The following SPAG16 variants were observed in gnomAD, a reference collection of about 807,000 sequenced individuals.
SPAG16 encodes sperm associated antigen 16.
SPAG16 carries 86 observed loss-of-function variants against 80.4 expected under a neutral mutation model. That is an observed-to-expected ratio of 1.07 (90% CI 0.90 to 1.28). The LOEUF is 1.28. Among genes scored for constraint, SPAG16 ranks in the 50% most tolerant of loss-of-function variants. The pLI, the probability that SPAG16 is intolerant of heterozygous loss-of-function variation, is 0.00. For missense variants in SPAG16, 870 were observed against 765.3 expected (o/e 1.14, Z -1.61); for synonymous variants, 294 against 265.9 (o/e 1.11, Z -1.03).
intron 15 of SPAG16, among the ~76,000 whole-genome samples, chr2:214,386,386 C>A (rs1700752986): frequency 6.6e-6 from 1 of 151,752 alleles, no homozygotes. Context: ...GCAAAAGAGC[C>A]AGATCCTGTC....
Position 214,167,094 on chromosome 2 carries a change from A to G in SPAG16, c.1720+17828A>G, listed in dbSNP as rs532109839. 2.6e-5 allele frequency among the ~76,000 whole-genome samples: 4 copies of G among 152,278 alleles called. No individual in the cohort carries two copies. In the South Asian group the frequency reaches 8.3e-4, roughly 32 times the overall value. On this transcript the variant is annotated intron_variant, in intron 15 of 15. Transcript: ENST00000331683. ...TACCTAATGGAAGTTAATAAAGCTT[A>G]ACTCCTTGGACTTCACATATGTCTG...
At chr2:213,936,515 C>G (rs2078994960) in intron 12 of SPAG16, among the ~76,000 whole-genome samples, 2 of 152,058 alleles carry the variant, frequency 1.3e-5, no homozygotes, top group Non-Finnish European at 2.9e-5. Flanking sequence ...TTGTAGCAAT[C>G]CAGGCCAAAG....
At chr2:214,171,771 T>C (rs1405276088) in intron 15 of SPAG16, among the ~76,000 whole-genome samples, 5 of 151,988 alleles carry the variant, frequency 3.3e-5, no homozygotes, top group Admixed American at 3.3e-4. Context: ...TTGCAACTGA[T>C]ACTGGTGCAT....
intron 9 of SPAG16, among the ~76,000 whole-genome samples, chr2:213,394,128 TG>T (rs2067914317): frequency 6.6e-6 from 1 of 152,100 alleles, no homozygotes; most frequent in South Asian, 2.1e-4. Context: ...TACTGTCATT[TG>T]ATTAAGAAAC....
intron 10 of SPAG16, among the ~76,000 whole-genome samples, chr2:213,827,012 A>C (rs943614598): frequency 3.3e-5 from 5 of 151,596 alleles, no homozygotes; most frequent in African/African-American, 1.2e-4. Flanking sequence ...TATGAAATCT[A>C]TTAGTCTGGT....
rs112466913 is a variant in SPAG16 at position 214,185,951 on chromosome 2, C to T, written c.1720+36685C>T. ...CTTTAACTGTTAGCAACCTATCTCC[C>T]CCACTATAATGTAAGTTCTGTTAGG... On this transcript the variant is annotated intron_variant, in intron 15 of 15. Transcript: ENST00000331683. Among the ~76,000 whole-genome samples, 28 of 152,216 alleles carry T rather than the reference C, an allele frequency of 1.8e-4. 1 individual carries two copies. Among genetic ancestry groups the T allele is most frequent in the African/African-American group, 5.5e-4 (23 of 41,550 alleles).
intron 11 of SPAG16, among the ~76,000 whole-genome samples, chr2:213,924,525 C>A (rs1575565566): frequency 6.6e-6 from 1 of 152,172 alleles, no homozygotes; most frequent in Non-Finnish European, 1.5e-5. Context: ...TGTTGACTAG[C>A]CTTTTAGTTC....
At chr2:214,220,640 G>C (rs149223304) in intron 15 of SPAG16, among the ~76,000 whole-genome samples, 124 of 152,146 alleles carry the variant, frequency 8.2e-4, no homozygotes, top group African/African-American at 3.0e-3. Context: ...GCTAAAACTG[G>C]ATGGCAAAAT....
intron 13 of SPAG16, among the ~76,000 whole-genome samples, chr2:214,035,862 G>A (rs571123058): frequency 6.6e-6 from 1 of 152,292 alleles, no homozygotes; most frequent in South Asian, 2.1e-4. Context: ...GAAGGGGATG[G>A]CACTTCTGCC....
intron 13 of SPAG16, among the ~76,000 whole-genome samples, chr2:214,100,340 CA>C (rs2052920339): frequency 6.6e-6 from 1 of 151,954 alleles, no homozygotes; most frequent in African/African-American, 2.4e-5. Context: ...TTTAACATAT[CA>C]AAAAGGCATT....
intron 10 of SPAG16, among the ~76,000 whole-genome samples, chr2:213,770,949 A>C (rs1367101023): frequency 6.6e-6 from 1 of 152,132 alleles, no homozygotes; most frequent in Non-Finnish European, 1.5e-5. Flanking sequence ...TTTATAATAG[A>C]ATGATTTATA....
intron 13 of SPAG16, among the ~76,000 whole-genome samples, chr2:214,089,441 C>T (rs1375373872): frequency 6.6e-6 from 1 of 152,016 alleles, no homozygotes; most frequent in Non-Finnish European, 1.5e-5. Context: ...TCATCATTCT[C>T]CTTGTTTATT....
At chr2:213,354,503 A>G (rs2065518134) in intron 7 of SPAG16, among the ~76,000 whole-genome samples, 2 of 152,170 alleles carry the variant, frequency 1.3e-5, no homozygotes, top group African/African-American at 4.8e-5. Flanking sequence ...ACTCCCACCA[A>G]CAGTGTAAAA....
intron 15 of SPAG16, among the ~76,000 whole-genome samples, chr2:214,201,752 A>G (rs188159091): frequency 1.9e-4 from 29 of 152,322 alleles, no homozygotes; most frequent in African/African-American, 7.0e-4. Context: ...AATCTTTTGG[A>G]TCAAATTAAT....
chr2:213,945,847 C>A (rs2079430235), intron 12 of SPAG16, among the ~76,000 whole-genome samples: 2 of 152,152 alleles, frequency 1.3e-5, no homozygotes, highest in Admixed American at 1.3e-4. Flanking sequence ...TTATTTTAGC[C>A]ACCCAGATCC....
chr2:213,813,971 C>T (rs114690580), intron 10 of SPAG16, among the ~76,000 whole-genome samples: 1,588 of 152,132 alleles, frequency 0.01, 28 homozygotes, highest in African/African-American at 0.035. Context: ...GCAGCAGTCA[C>T]AAGCCTGAGA....
At chr2:213,849,333 C>T (rs2074788312) in intron 10 of SPAG16, among the ~76,000 whole-genome samples, 1 of 152,114 alleles carries the variant, frequency 6.6e-6, no homozygotes, top group Non-Finnish European at 1.5e-5. Flanking sequence ...GCCCAAACAC[C>T]TCCTACTTAG....
chr2:214,248,237 C>T (rs1307599745), intron 15 of SPAG16, among the ~76,000 whole-genome samples: 1 of 150,788 alleles, frequency 6.6e-6, no homozygotes, highest in Non-Finnish European at 1.5e-5. Flanking sequence ...AAATTTTATT[C>T]ACTCCAGAAA....
intron 13 of SPAG16, among the ~76,000 whole-genome samples, chr2:214,061,129 T>C (rs1303566441): frequency 6.6e-6 from 1 of 152,154 alleles, no homozygotes; most frequent in Non-Finnish European, 1.5e-5. Flanking sequence ...AACTCGAATA[T>C]CTTCAAACGG....
Sources: allele counts gnomAD v4.1 joint callset (sites outside exome capture counted in the v4.1 genomes callset), GRCh38; gene constraint gnomAD v4.1.1; transcripts MANE v1.5; gene names NCBI Gene and HGNC (gene_info 2026-07-23, HGNC 2026-07-21).